The following HEBP1 variants were observed in gnomAD, a reference collection of about 807,000 sequenced individuals.
HEBP1 encodes heme-binding protein 1.
A neutral mutation model predicts 20.4 loss-of-function variants in HEBP1; 13 were observed. The ratio of observed to expected loss-of-function variants is 0.64; its 90% confidence interval spans 0.42 to 1.01. HEBP1 has a LOEUF of 1.01. Ranked by LOEUF, HEBP1 falls within the 50% of genes least tolerant of loss-of-function variation. The pLI, the probability that HEBP1 is intolerant of heterozygous loss-of-function variation, is 0.00. For missense variants in HEBP1, 241 were observed against 247.3 expected, an observed-to-expected ratio of 0.97 and a Z score of 0.17; for synonymous variants, 92 against 90.7, an observed-to-expected ratio of 1.01 and a Z score of -0.08.
chr12:12,983,820 C>G, intron 3 of HEBP1: 2 of 454,642 alleles, frequency 4.4e-6, no homozygotes. Context: ...CCATAAGAAA[C>G]CAGCGTTCCT....
chr12:12,990,348 ATTT>A (rs56222166), intron 1 of HEBP1, among the ~76,000 whole-genome samples: 1 of 142,526 alleles, frequency 7.0e-6, no homozygotes. Context: ...AAAAAAAAAA[ATTT>A]TTTTTTTTTT....
chr12:13,000,191 C>T lies in HEBP1; in HGVS notation c.-77G>A. The T allele has an allele frequency of 1.0e-5, 6 of 576,722 alleles. No individual in the cohort carries two copies. Among genetic ancestry groups the T allele is most frequent in the Non-Finnish European group, 1.7e-5 (6 of 344,834 alleles). 35.7% of individuals were successfully genotyped at this position (576,722 alleles called of 1,614,324 possible). ...GACGGAGCACCACGGGCAGCGACCA[C>T]CGGCGGCAGGGCGGCAGGGCGGCAG... On this transcript the variant is annotated 5_prime_UTR_variant, in exon 1 of 4. In the 5' UTR this introduces an upstream ATG that the reference lacks. Transcript: ENST00000014930.
At chr12:12,992,679 C>G (rs3782567) in intron 1 of HEBP1, among the ~76,000 whole-genome samples, 1 of 152,110 alleles carries the variant, frequency 6.6e-6, no homozygotes, top group African/African-American at 2.4e-5. Flanking sequence ...GTGAATCTGA[C>G]ACTTCCAAAG....
chr12:12,997,739 C>T (rs1248804755), intron 1 of HEBP1, among the ~76,000 whole-genome samples: 1 of 152,218 alleles, frequency 6.6e-6, no homozygotes, highest in African/African-American at 2.4e-5. Context: ...CACGAACCAG[C>T]CCAGACCCCT....
intron 3 of HEBP1, among the ~76,000 whole-genome samples, chr12:12,985,144 T>C (rs1398490007): frequency 2.6e-5 from 4 of 150,968 alleles, no homozygotes; most frequent in African/African-American, 9.8e-5. Flanking sequence ...AGAGACTCCG[T>C]TGGAAAAAAA....
At chr12:12,994,494 C>T (rs117471888) in intron 1 of HEBP1, among the ~76,000 whole-genome samples, 3,532 of 152,252 alleles carry the variant, frequency 0.023, 62 homozygotes, top group Middle Eastern at 0.044. Flanking sequence ...TAAAATGGCA[C>T]GAGCAACCTG....
intron 2 of HEBP1, among the ~76,000 whole-genome samples, chr12:12,988,875 G>T (rs1416837089): frequency 2.0e-5 from 3 of 152,180 alleles, no homozygotes; most frequent in Non-Finnish European, 4.4e-5. Context: ...GCTACCAGGG[G>T]CTGACTCTGG....
At chr12:12,980,677 G>C (rs1287127996) in intron 3 of HEBP1, 1 of 152,492 alleles carries the variant, frequency 6.6e-6, no homozygotes, top group East Asian at 1.9e-4. Flanking sequence ...GTTGTGTCTG[G>C]GGTGGGAGGC....
chr12:12,980,355 T>G (rs1388877304), intron 3 of HEBP1: 1 of 152,236 alleles, frequency 6.6e-6, no homozygotes, highest in African/African-American at 2.4e-5. Flanking sequence ...GCAAAGATTA[T>G]GCTGGCTGGA....
intron 1 of HEBP1, among the ~76,000 whole-genome samples, chr12:12,993,486 CCTCTCT>C (rs113869518): frequency 0.053 from 7,128 of 134,762 alleles, 663 homozygotes; most frequent in African/African-American, 0.2. Context: ...TTTTTCTTTT[CCTCTCT>C]CTCTCTCTCT....
chr12:12,986,924 G>A lies in HEBP1; in HGVS notation c.398+228C>T, dbSNP rs1864159802. ...GTAAGCTTAAGCAAAGCTTAAGCTC[G>A]TCCCATCAATTTGGCAACTGGCCAA... is the stretch of plus-strand genomic sequence containing the variant. On this transcript the variant is annotated intron_variant, in intron 3 of 3. Coordinates refer to ENST00000014930, the MANE Select transcript of HEBP1 (RefSeq NM_015987.5). This position sits in a 1 kb window ranked among gnomAD's most constrained non-coding sequence, Gnocchi z 4.3. The A allele has an allele frequency of 2.0e-6, 1 of 506,102 alleles. No homozygotes were observed. The highest frequency in any genetic ancestry group is 1.9e-5 in the African/African-American group (1 of 51,596). The allele number at this position is 506,102 out of a possible 1,614,324, so 31.4% of individuals were successfully genotyped here. A position where few individuals can be genotyped will look rare whatever the true frequency, so the allele number is the denominator to read the frequency against.
chr12:12,976,460 G>T (rs192400970), intron 3 of HEBP1, among the ~76,000 whole-genome samples: 2 of 152,254 alleles, frequency 1.3e-5, no homozygotes, highest in Admixed American at 6.5e-5. Context: ...ATTTTTATTA[G>T]AGTCAAGTAC....
intron 3 of HEBP1, chr12:12,983,795 G>T (rs2052329): frequency 0.24 from 109,172 of 455,766 alleles, 14,790 homozygotes; most frequent in Admixed American, 0.41. Flanking sequence ...GATAGTACCC[G>T]TATACCCCTT....
At chr12:12,982,183 G>A (rs1864093998) in intron 3 of HEBP1, among the ~76,000 whole-genome samples, 1 of 152,212 alleles carries the variant, frequency 6.6e-6, no homozygotes, top group South Asian at 2.1e-4. Context: ...CCCTTGGGAA[G>A]CTTGCATTCT....
chr12:12,995,810 C>G (rs1228251123), intron 1 of HEBP1, among the ~76,000 whole-genome samples: 2 of 152,166 alleles, frequency 1.3e-5, no homozygotes, highest in Non-Finnish European at 2.9e-5. Flanking sequence ...AATAGTAGCC[C>G]TCCTTCACCC....
Position 12,975,151 on chromosome 12 carries a change from A to C in HEBP1, c.*157T>G. On this transcript the variant is annotated 3_prime_UTR_variant, in exon 4 of 4. Transcript: ENST00000014930. ...TGAGAAAAGAGACTTAGTATATGGA[A>C]CATGCTTTTTTCAGAAAATTGGCAG... 1.6e-6 allele frequency: 1 copy of C among 641,280 alleles called. No individual in the cohort carries two copies. The highest frequency in any genetic ancestry group is 2.7e-6 in the Non-Finnish European group (1 of 365,984). 39.7% of individuals were successfully genotyped at this position (641,280 alleles called of 1,614,324 possible).
intron 1 of HEBP1, among the ~76,000 whole-genome samples, chr12:12,990,059 A>G (rs970009443): frequency 6.6e-6 from 1 of 152,100 alleles, no homozygotes; most frequent in African/African-American, 2.4e-5. Context: ...TCATCTCTAC[A>G]TTACTTATAA....
intron 1 of HEBP1, among the ~76,000 whole-genome samples, chr12:12,991,461 A>G (rs964981739): frequency 1.3e-5 from 2 of 151,852 alleles, no homozygotes; most frequent in Non-Finnish European, 2.9e-5. Flanking sequence ...TCCTTCTTTC[A>G]TCTCCCCATC....
At chr12:12,999,291 T>G (rs1299723199) in intron 1 of HEBP1, among the ~76,000 whole-genome samples, 1 of 152,214 alleles carries the variant, frequency 6.6e-6, no homozygotes, top group Non-Finnish European at 1.5e-5. Flanking sequence ...TTAGGCACAG[T>G]AAGAGATGAA....
Sources: allele counts gnomAD v4.1 joint callset (sites outside exome capture counted in the v4.1 genomes callset), GRCh38; gene constraint gnomAD v4.1.1; non-coding constraint Gnocchi (gnomAD v3.1); transcripts MANE v1.5; gene names NCBI Gene and HGNC (gene_info 2026-07-23, HGNC 2026-07-21).